Variants in CEP97 observed in about 807,000 individuals in gnomAD.
The protein encoded by CEP97 is centrosomal protein of 97 kDa.
CEP97 carries 43 observed loss-of-function variants against 73.1 expected under a neutral mutation model. That is an observed-to-expected ratio of 0.59 (90% CI 0.46 to 0.76). The LOEUF is 0.76. Among genes scored for constraint, CEP97 ranks in the 30% least tolerant of loss-of-function variants. CEP97 has a pLI of 0.00. For synonymous variants in CEP97, 337 were observed against 370.0 expected, an observed-to-expected ratio of 0.91 and a Z score of 1.02; for missense variants, 939 against 1,014.0, an observed-to-expected ratio of 0.93 and a Z score of 1.00.
intron 9 of CEP97, chr3:101,759,078 A>C (rs967750031): frequency 2.6e-5 from 4 of 152,296 alleles, no homozygotes; most frequent in Non-Finnish European, 1.5e-5. Context: ...CACAGAGAGG[A>C]CACAGGCATT....
In CEP97 at chr3:101,765,627, G is replaced by A; in HGVS notation, c.*76G>A. On this transcript the variant is annotated 3_prime_UTR_variant, in exon 11 of 11. Transcript: ENST00000341893. ...CAGTTGCCTTTGCTTTTTTTTGGAG[G>A]GAAATACTCCCTACCCCTAATTTTG... 8.5e-7 allele frequency: 1 copy of A among 1,174,254 alleles called. No homozygotes were observed. Among genetic ancestry groups the A allele is most frequent in the Non-Finnish European group, 1.2e-6 (1 of 825,358 alleles). The allele number at this position is 1,174,254 out of a possible 1,614,324, so 72.7% of individuals were successfully genotyped here.
chr3:101,764,770 G>A (rs1309464227), intron 10 of CEP97, 77 bp from the exon 11 acceptor site: 10 of 1,316,484 alleles, frequency 7.6e-6, no homozygotes, highest in Admixed American at 4.5e-5. Context: ...GTGACAGAGC[G>A]AGACCCTGTC....
rs1356649188 is a variant in CEP97, at chr3:101,765,239, C to T, written c.2286C>T (p.Ser762=). 1 of 1,614,162 alleles carries T rather than the reference C, an allele frequency of 6.2e-7. No individual in the cohort carries two copies. The highest frequency in any genetic ancestry group is 1.3e-5 in the African/African-American group (1 of 75,052). The part of the protein sequence containing the change: ...SEEHGEWNKE[S]SNNEQDNSLL... ...AACATGGTGAATGGAATAAGGAAAG[C>T]TCAAATAACGAGCAGGACAATAGTC... is the stretch of plus-strand genomic sequence containing the variant. Residue 762 remains serine, a synonymous_variant, in exon 11 of 11, where the codon AGC becomes AGT. Transcript: ENST00000341893.
chr3:101,753,984 C>T (rs1314037969), intron 6 of CEP97, among the ~76,000 whole-genome samples: 2 of 152,060 alleles, frequency 1.3e-5, no homozygotes, highest in African/African-American at 2.4e-5. Flanking sequence ...AGAAATCACC[C>T]ATCTTCTGCA....
Position 101,764,836 on chromosome 3 carries a change from C to G in CEP97, c.1894-11C>G. The G allele has an allele frequency of 1.3e-6, 2 of 1,573,716 alleles. No homozygotes were observed. The highest frequency in any genetic ancestry group is 1.7e-6 in the Non-Finnish European group (2 of 1,165,676). On this transcript the variant is annotated splice_polypyrimidine_tract_variant and intron_variant, in intron 10 of 10. Coordinates refer to ENST00000341893, the MANE Select transcript of CEP97 (RefSeq NM_024548.4). ...TTATTTTATAATACAACTGTATTCT[C>G]TGGTTTATAGGTAAGGTCTCTACAG...
In CEP97 at chr3:101,767,467, T is replaced by G. The variant is rs1244793230; in HGVS notation, c.*1916T>G. The G allele has an allele frequency of 6.6e-6, 1 of 152,234 alleles. No individual in the cohort carries two copies. Among genetic ancestry groups the G allele is most frequent in the Non-Finnish European group, 1.5e-5 (1 of 68,032 alleles). The allele number at this position is 152,234 out of a possible 1,614,324, so 9.4% of individuals were successfully genotyped here. Reference sequence around the variant, plus strand: ...TAGACAAAGAAAAACCAATTTCCACTGCACTAGTACCAAAATACTACTTTA... The same window carrying G: ...TAGACAAAGAAAAACCAATTTCCACGGCACTAGTACCAAAATACTACTTTA... On this transcript the variant is annotated 3_prime_UTR_variant, in exon 11 of 11. Transcript: ENST00000341893.
intron 1 of CEP97, among the ~76,000 whole-genome samples, chr3:101,725,448 G>A (rs1156569326): frequency 6.6e-6 from 1 of 152,152 alleles, no homozygotes; most frequent in African/African-American, 2.4e-5. Context: ...CCGTCTTCAT[G>A]GCTTAGACCA....
chr3:101,763,531 C>T (rs536253546), intron 10 of CEP97, among the ~76,000 whole-genome samples: 7 of 152,190 alleles, frequency 4.6e-5, no homozygotes, highest in South Asian at 4.1e-4. Flanking sequence ...TTTGAAAATA[C>T]GACCTAGAAA....
In CEP97 at chr3:101,765,507, T is replaced by C. The variant is rs200243786; in HGVS notation, c.2554T>C (p.Cys852Arg). 164 of 1,613,872 alleles carry C rather than the reference T, an allele frequency of 1.0e-4. 2 individuals carry two copies. In the East Asian group the frequency reaches 3.5e-3, roughly 35 times the overall value. ...AGAAGTTCAGGGGCAGCAGCCAGAA[T>C]GTGATTCTACATTTCAGCTATTGCA... ...NAEVQGQQPE[C>R]DSTFQLLHVG... The change falls in exon 11 of 11, where the codon TGT becomes CGT. Residue 852 changes from cysteine (C) to arginine (R), a missense_variant. By Grantham distance (180) the Cys-to-Arg change is radical (BLOSUM62 -3). Transcript: ENST00000341893.
At position 101,727,495 on chromosome 3, in the gene CEP97, A is replaced by T; in HGVS notation, c.299A>T (p.Glu100Val). The T allele has an allele frequency of 9.3e-6, 15 of 1,612,922 alleles. No individual in the cohort carries two copies. The highest frequency in any genetic ancestry group is 1.3e-5 in the Non-Finnish European group (15 of 1,179,448). Residue 100 changes from glutamate (E) to valine (V), a missense_variant, in exon 3 of 11, where the codon GAA becomes GTA. Transcript: ENST00000341893. ...ATTGGCTGTGTGGAAGGGCTAAAGG[A>T]ACTAGTACATCTGGAATGGCTGAAT... is the stretch of plus-strand genomic sequence containing the variant. ...NSIGCVEGLK[E>V]LVHLEWLNLA...
In CEP97 at chr3:101,765,735, T is replaced by A; in HGVS notation, c.*184T>A. The A allele has an allele frequency of 3.5e-6, 2 of 574,558 alleles. No individual in the cohort carries two copies. The highest frequency in any genetic ancestry group is 6.0e-6 in the Non-Finnish European group (2 of 330,788). The allele number at this position is 574,558 out of a possible 1,614,324, so 35.6% of individuals were successfully genotyped here. ...AGCTGAGTTTTCATTTTGATTTTGTTAGCTTTTTACTTAGCTGTAAGGTAC... is the reference window on the plus strand; with the variant it reads ...AGCTGAGTTTTCATTTTGATTTTGTAAGCTTTTTACTTAGCTGTAAGGTAC... On this transcript the variant is annotated 3_prime_UTR_variant, in exon 11 of 11. Transcript: ENST00000341893.
At chr3:101,739,902 C>G (rs1463261263) in intron 6 of CEP97, among the ~76,000 whole-genome samples, 1 of 108,488 alleles carries the variant, frequency 9.2e-6, no homozygotes, top group Non-Finnish European at 1.9e-5. Flanking sequence ...AAGACACCAT[C>G]TAAAAAAAAA....
rs577112511 is a variant in CEP97 at position 101,750,209 on chromosome 3, A to C, written c.729-5221A>C. 1.2e-3 allele frequency among the ~76,000 whole-genome samples: 169 copies of C among 146,652 alleles called. 1 individual carries two copies. Among genetic ancestry groups the C allele is most frequent in the East Asian group, 6.1e-3 (31 of 5,050 alleles). On this transcript the variant is annotated intron_variant, in intron 6 of 10. Coordinates refer to ENST00000341893, the MANE Select transcript of CEP97 (RefSeq NM_024548.4). Reference sequence around the variant, plus strand: ...AAGGGATCCAGTTTCAGCTTTCTACATATGGCTAGCCAGTTTTCCCAGCAC... The same window carrying C: ...AAGGGATCCAGTTTCAGCTTTCTACCTATGGCTAGCCAGTTTTCCCAGCAC...
In CEP97 at chr3:101,765,218, T is replaced by C. The variant is rs767558485; in HGVS notation, c.2265T>C (p.His755=). 4 of 1,614,156 alleles carry C rather than the reference T, an allele frequency of 2.5e-6. No individual in the cohort carries two copies. The Admixed American group carries it at 6.7e-5, about 27-fold the overall frequency. The change falls in exon 11 of 11, where the codon CAT becomes CAC. Residue 755 remains histidine (H), a synonymous_variant. Coordinates refer to ENST00000341893, the MANE Select transcript of CEP97 (RefSeq NM_024548.4). ...ESDLGDVSEE[H]GEWNKESSNN... ...ATTTAGGGGATGTTAGTGAAGAACA[T>C]GGTGAATGGAATAAGGAAAGCTCAA...
In CEP97 at chr3:101,769,050, T is replaced by A. The variant is rs944548115; in HGVS notation, c.*3499T>A. On this transcript the variant is annotated 3_prime_UTR_variant, in exon 11 of 11. Coordinates refer to ENST00000341893, the MANE Select transcript of CEP97 (RefSeq NM_024548.4). ...GTGTGTTTTTATCTGTTTTGGATTA[T>A]TTTTTGTATACAAACACCATAATAC... 6.6e-6 allele frequency: 1 copy of A among 152,214 alleles called. No homozygotes were observed. Among genetic ancestry groups the A allele is most frequent in the South Asian group, 2.1e-4 (1 of 4,834 alleles). The allele number at this position is 152,214 out of a possible 1,614,324, so 9.4% of individuals were successfully genotyped here.
intron 4 of CEP97, among the ~76,000 whole-genome samples, chr3:101,730,503 A>T (rs1043408105): frequency 1.3e-5 from 2 of 149,100 alleles, no homozygotes; most frequent in Non-Finnish European, 3.0e-5. Context: ...TGACCTTGTG[A>T]TCCACCCGCC....
At chr3:101,754,506 T>G (rs1219975638) in intron 6 of CEP97, among the ~76,000 whole-genome samples, 1 of 152,220 alleles carries the variant, frequency 6.6e-6, no homozygotes. Context: ...GTTTAGTGTC[T>G]TAAAGCAGCA....
In CEP97 at chr3:101,757,799, T is replaced by G. The variant is rs200164661; in HGVS notation, c.1193T>G (p.Leu398Arg). ...QTDEDKLNCSLLSSESTFMPV... is the reference protein window; with the variant it reads ...QTDEDKLNCSRLSSESTFMPV... Reference sequence around the variant, plus strand: ...GATGAGGACAAGTTAAACTGTAGTCTTCTCTCTTCAGAGTCTACTTTTATG... The same window carrying G: ...GATGAGGACAAGTTAAACTGTAGTCGTCTCTCTTCAGAGTCTACTTTTATG... The change falls in exon 9 of 11, where the codon CTT (leucine) becomes CGT (arginine). Residue 398 changes from leucine to arginine, a missense_variant. Transcript: ENST00000341893. 1.2e-6 allele frequency: 2 copies of G among 1,614,256 alleles called. No individual in the cohort carries two copies. The highest frequency in any genetic ancestry group is 2.7e-5 in the African/African-American group (2 of 75,076).
In CEP97 at chr3:101,740,515, C is replaced by G. The variant is rs539091637; in HGVS notation, c.728+7861C>G. ...TTCCATGCTCATGCATAGGAAGAAT[C>G]AATATTGTGAAAATGGCCATACTGC... On this transcript the variant is annotated intron_variant, in intron 6 of 10. Transcript: ENST00000341893. 3.3e-5 allele frequency among the ~76,000 whole-genome samples: 5 copies of G among 151,846 alleles called. No individual in the cohort carries two copies. In the South Asian group the frequency reaches 1.0e-3, roughly 32 times the overall value.
Sources: allele counts gnomAD v4.1 joint callset (sites outside exome capture counted in the v4.1 genomes callset), GRCh38; gene constraint gnomAD v4.1.1; transcripts MANE v1.5; gene names NCBI Gene and HGNC (gene_info 2026-07-23, HGNC 2026-07-21).